NRG1: variants seen among roughly 807,000 people sequenced by gnomAD.
NRG1 encodes neuregulin 1.
In NRG1, 18 loss-of-function variants were observed where a neutral mutation model predicts 63.8. That is an observed-to-expected ratio of 0.28 (90% CI 0.19 to 0.42). NRG1 has a LOEUF of 0.42. Ranked by LOEUF, NRG1 falls within the 10% of genes least tolerant of loss-of-function variation. The probability of loss-of-function intolerance (pLI) is 1.00; values close to 1 mark genes in which losing one functional copy is unlikely to be tolerated. For missense variants in NRG1, 762 were observed against 814.7 expected (o/e 0.94, Z 0.79); for synonymous variants, 302 against 301.3 (o/e 1.00, Z -0.02).
chr8:31,763,543 T>A (rs979103774), intron 1 of NRG1, among the ~76,000 whole-genome samples: 2 of 152,194 alleles, frequency 1.3e-5, no homozygotes, highest in Non-Finnish European at 2.9e-5. Context: ...GGAAAAATGT[T>A]GTATCATGAA....
intron 5 of NRG1, among the ~76,000 whole-genome samples, chr8:32,649,316 G>A (rs1256946247): frequency 6.6e-6 from 1 of 152,142 alleles, no homozygotes; most frequent in East Asian, 1.9e-4. Flanking sequence ...GTGGAAAGTT[G>A]ACAGGAATGA....
At chr8:32,075,183 A>T (rs1018666754) in intron 1 of NRG1, among the ~76,000 whole-genome samples, 5 of 152,236 alleles carry the variant, frequency 3.3e-5, no homozygotes, top group African/African-American at 1.2e-4. Flanking sequence ...GAGATATTCC[A>T]TAAAGACAAC....
chr8:32,091,260 A>G (rs934320694), intron 1 of NRG1, among the ~76,000 whole-genome samples: 15 of 149,318 alleles, frequency 1.0e-4, no homozygotes, highest in African/African-American at 3.7e-4. Context: ...CCTAGGCGAC[A>G]GAGCGAGACT....
intron 1 of NRG1, among the ~76,000 whole-genome samples, chr8:32,259,030 G>A (rs1396720010): frequency 1.3e-5 from 2 of 152,154 alleles, no homozygotes; most frequent in East Asian, 3.9e-4. Flanking sequence ...TAAGAGACCT[G>A]CAAATACTTG....
intron 1 of NRG1, among the ~76,000 whole-genome samples, chr8:32,540,986 T>A (rs1563605902): frequency 6.6e-6 from 1 of 152,200 alleles, no homozygotes; most frequent in Non-Finnish European, 1.5e-5. Flanking sequence ...TGACTTGCCT[T>A]CTTGAGTTGT....
At chr8:31,912,291 T>C (rs1020312094) in intron 1 of NRG1, among the ~76,000 whole-genome samples, 4 of 152,178 alleles carry the variant, frequency 2.6e-5, no homozygotes, top group Non-Finnish European at 5.9e-5. Flanking sequence ...TCTTACTTTT[T>C]GGTACAGATC....
chr8:31,907,980 G>C (rs1832663643), intron 1 of NRG1, among the ~76,000 whole-genome samples: 2 of 152,044 alleles, frequency 1.3e-5, no homozygotes, highest in African/African-American at 4.8e-5. Context: ...AAGCTTTAGG[G>C]AGTTACTACA....
At chr8:32,733,563 G>T (rs895613242) in intron 6 of NRG1, among the ~76,000 whole-genome samples, 7 of 151,912 alleles carry the variant, frequency 4.6e-5, no homozygotes, top group Non-Finnish European at 4.4e-5. Context: ...TGAGCAGTAG[G>T]GTATTAAAAT....
chr8:31,647,520 A>T (rs1804405192), intron 1 of NRG1, among the ~76,000 whole-genome samples: 1 of 152,216 alleles, frequency 6.6e-6, no homozygotes, highest in Non-Finnish European at 1.5e-5. Context: ...TGTACAGAGC[A>T]GGGGAGCTGT....
intron 5 of NRG1, among the ~76,000 whole-genome samples, chr8:32,725,476 T>C (rs1821882075): frequency 1.5e-5 from 2 of 133,376 alleles, no homozygotes; most frequent in Non-Finnish European, 3.2e-5. Flanking sequence ...TTTTTTTTTT[T>C]TTTTTTTTTT....
chr8:32,285,922 C>T (rs1853467328), intron 1 of NRG1, among the ~76,000 whole-genome samples: 1 of 152,132 alleles, frequency 6.6e-6, no homozygotes, highest in South Asian at 2.1e-4. Flanking sequence ...AGAGAGCTCT[C>T]AATTGAGCCA....
intron 1 of NRG1, among the ~76,000 whole-genome samples, chr8:31,684,403 A>G (rs1808650596): frequency 6.6e-6 from 1 of 152,188 alleles, no homozygotes; most frequent in Non-Finnish European, 1.5e-5. Flanking sequence ...CATAGCATCA[A>G]GGTGCCATCT....
At chr8:32,039,070 G>A (rs575281556) in intron 1 of NRG1, among the ~76,000 whole-genome samples, 11 of 152,236 alleles carry the variant, frequency 7.2e-5, no homozygotes, top group African/African-American at 2.6e-4. Flanking sequence ...TTTTGGCTTT[G>A]TGTTATAATT....
chr8:31,832,380 C>A (rs551256235), intron 1 of NRG1, among the ~76,000 whole-genome samples: 4 of 151,894 alleles, frequency 2.6e-5, no homozygotes, highest in Admixed American at 1.3e-4. Flanking sequence ...CCACGTCAGC[C>A]TCCCGAGTAG....
At position 31,764,972 on chromosome 8, in the gene NRG1, G is replaced by A. The variant is rs182654045; in HGVS notation, c.37+125541G>A. On this transcript the variant is annotated intron_variant, in intron 1 of 10. Transcript: ENST00000519301. ...ATCTCATTGTTCAATTCCCACCTAT[G>A]AGTGAGAATATGCGGTGTTTGATCT... is the stretch of plus-strand genomic sequence containing the variant. Among the ~76,000 whole-genome samples the A allele has an allele frequency of 8.4e-4, 120 of 142,726 alleles. 2 individuals carry two copies. The highest frequency in any genetic ancestry group is 1.5e-4 in the Non-Finnish European group (10 of 66,882). The allele number at this position is 142,726 out of a possible 152,430, so 93.6% of individuals were successfully genotyped here.
At chr8:32,370,751 G>A (rs1808705968) in intron 1 of NRG1, among the ~76,000 whole-genome samples, 1 of 146,778 alleles carries the variant, frequency 6.8e-6, no homozygotes, top group South Asian at 2.2e-4. Context: ...CCAGCTACTT[G>A]GGAGGCTGAG....
upstream of NRG1, chr8:32,548,214 C>T (rs922161045): frequency 8.1e-6 from 8 of 983,834 alleles, no homozygotes; most frequent in Non-Finnish European, 9.7e-6. Context: ...GGGGGCGAGG[C>T]CAGGGGAGGG....
intron 1 of NRG1, among the ~76,000 whole-genome samples, chr8:31,878,689 T>C (rs1026776609): frequency 6.6e-6 from 1 of 152,140 alleles, no homozygotes; most frequent in Admixed American, 6.5e-5. Context: ...TAAGATTGGC[T>C]GGGAAAGGAT....
At position 32,365,173 on chromosome 8, in the gene NRG1, C is replaced by T. The variant is rs1807797814; in HGVS notation, c.38-230655C>T. Among the ~76,000 whole-genome samples, 9 of 152,194 alleles carry T rather than the reference C, an allele frequency of 5.9e-5. No homozygotes were observed. The South Asian group carries it at 1.9e-3, about 32-fold the overall frequency. ...AAAGTGCTGGAATTACAGGCGAGAG[C>T]CAACTTGCCCAGCCCTGTATTTCCT... On this transcript the variant is annotated intron_variant, in intron 1 of 10. Coordinates refer to the NRG1 transcript ENST00000519301.
Sources: gnomAD v4.1 joint callset for allele counts (sites outside exome capture counted in the v4.1 genomes callset) on GRCh38, gnomAD v4.1.1 for gene constraint, MANE v1.5 for transcripts, NCBI Gene and HGNC (gene_info 2026-07-23, HGNC 2026-07-21) for gene names.